The following MB21D2 variants were observed in gnomAD, a reference collection of about 807,000 sequenced individuals.
The protein encoded by MB21D2 is nucleotidyltransferase MB21D2.
In MB21D2, 9 loss-of-function variants were observed where a neutral mutation model predicts 33.3. The observed-to-expected ratio is 0.27, with a 90% CI of 0.16 to 0.47. The LOEUF is 0.47. Ranked by LOEUF, MB21D2 falls within the 20% of genes least tolerant of loss-of-function variation. MB21D2 has a pLI of 0.99. For missense variants in MB21D2, 540 were observed against 624.6 expected (o/e 0.86, Z 1.44); for synonymous variants, 241 against 236.3 (o/e 1.02, Z -0.18).
rs150647781 is a variant in MB21D2 at position 192,831,416 on chromosome 3, C to T, written c.212-31766G>A. Among the ~76,000 whole-genome samples, 1,062 of 152,322 alleles carry T rather than the reference C, an allele frequency of 7.0e-3. 9 individuals are homozygous for T. Among genetic ancestry groups the T allele is most frequent in the Non-Finnish European group, 0.011 (731 of 68,030 alleles). On this transcript the variant is annotated intron_variant, in intron 1 of 1. Transcript: ENST00000392452. ...CCAAGAAACTGTGAGATCATAAATG[C>T]TTAATGTTGTTTTAAGCCACTAAGT...
At chr3:192,820,528 T>C (rs1222487842) in intron 1 of MB21D2, among the ~76,000 whole-genome samples, 1 of 152,202 alleles carries the variant, frequency 6.6e-6, no homozygotes, top group Non-Finnish European at 1.5e-5. Flanking sequence ...AATGAATGAT[T>C]TGTCACCTTT....
chr3:192,808,540 A>G (rs1273583431), intron 1 of MB21D2, among the ~76,000 whole-genome samples: 2 of 152,234 alleles, frequency 1.3e-5, no homozygotes, highest in African/African-American at 4.8e-5. Context: ...TCCATCCGGC[A>G]GAATTTTCTA....
At chr3:192,917,274 C>T (rs1174412819) in intron 1 of MB21D2, among the ~76,000 whole-genome samples, 9 of 152,248 alleles carry the variant, frequency 5.9e-5, no homozygotes, top group Admixed American at 5.2e-4. Context: ...ACTGAAGGCA[C>T]CTCAGGGGCT....
chr3:192,812,133 T>C (rs1006932260), intron 1 of MB21D2, among the ~76,000 whole-genome samples: 1 of 152,182 alleles, frequency 6.6e-6, no homozygotes, highest in Non-Finnish European at 1.5e-5. Flanking sequence ...CTGCAACCTC[T>C]GCCTCCCAGG....
chr3:192,863,807 AC>A (rs1204296247), intron 1 of MB21D2, among the ~76,000 whole-genome samples: 1 of 152,182 alleles, frequency 6.6e-6, no homozygotes, highest in African/African-American at 2.4e-5. Flanking sequence ...TCAGGTGAGG[AC>A]ACAGTGAAAC....
intron 1 of MB21D2, among the ~76,000 whole-genome samples, chr3:192,822,448 C>T (rs1211690245): frequency 6.8e-6 from 1 of 147,202 alleles, no homozygotes; most frequent in Non-Finnish European, 1.5e-5. Flanking sequence ...TTATTCCTCC[C>T]ACCCCTTTTG....
Position 192,835,299 on chromosome 3 carries a change from C to CA in MB21D2, c.212-35650dup, listed in dbSNP as rs1171546702. Among the ~76,000 whole-genome samples, 5 of 149,422 alleles carry CA rather than the reference C, an allele frequency of 3.3e-5. No individual in the cohort carries two copies. In the East Asian group the frequency reaches 6.1e-4, roughly 18 times the overall value. On this transcript the variant is annotated intron_variant, in intron 1 of 1. Transcript: ENST00000392452. ...GAAACACCGTCTCTACAAAAAAATA[C>CA]AAAAAAATTAGCTGGGTGTGGTGGC...
chr3:192,844,991 G>T (rs1712650359), intron 1 of MB21D2, among the ~76,000 whole-genome samples: 1 of 152,106 alleles, frequency 6.6e-6, no homozygotes. Flanking sequence ...TTCCCACTTG[G>T]AACTTTTACA....
Position 192,797,650 on chromosome 3 carries a change from C to T in MB21D2, c.*736G>A, listed in dbSNP as rs1720550875. 1 of 152,546 alleles carries T rather than the reference C, an allele frequency of 6.6e-6. No individual in the cohort carries two copies. The highest frequency in any genetic ancestry group is 6.5e-5 in the Admixed American group (1 of 15,274). 9.4% of individuals were successfully genotyped at this position (152,546 alleles called of 1,614,324 possible). Reference sequence around the variant, plus strand: ...CAAATAATAATTATAATGGTATGTTCTTTAATAGGATTTAAATAAGGCTTC... The same window carrying T: ...CAAATAATAATTATAATGGTATGTTTTTTAATAGGATTTAAATAAGGCTTC... On this transcript the variant is annotated 3_prime_UTR_variant, in exon 2 of 2. Coordinates refer to ENST00000392452, the MANE Select transcript of MB21D2 (RefSeq NM_178496.4).
intron 1 of MB21D2, among the ~76,000 whole-genome samples, chr3:192,805,657 G>A (rs1268693274): frequency 6.6e-6 from 1 of 152,108 alleles, no homozygotes; most frequent in Non-Finnish European, 1.5e-5. Context: ...TGGATCCTGG[G>A]CTTGTCATTT....
chr3:192,905,703 T>C (rs1023323452), intron 1 of MB21D2, among the ~76,000 whole-genome samples: 1 of 145,936 alleles, frequency 6.9e-6, no homozygotes, highest in African/African-American at 2.6e-5. Context: ...TGGAGGTGTG[T>C]GTGCCTGTAG....
chr3:192,878,530 A>G (rs1025783710), intron 1 of MB21D2, among the ~76,000 whole-genome samples: 1 of 152,204 alleles, frequency 6.6e-6, no homozygotes, highest in Non-Finnish European at 1.5e-5. Flanking sequence ...ACTTTTTTAT[A>G]GCCCTAAAAA....
chr3:192,907,945 C>T (rs1020251679), intron 1 of MB21D2, among the ~76,000 whole-genome samples: 1 of 152,198 alleles, frequency 6.6e-6, no homozygotes, highest in Non-Finnish European at 1.5e-5. Context: ...AGGAAGGGAA[C>T]ATCCCTATGA....
intron 1 of MB21D2, among the ~76,000 whole-genome samples, chr3:192,882,669 C>A (rs1336650922): frequency 6.6e-6 from 1 of 151,686 alleles, no homozygotes; most frequent in Non-Finnish European, 1.5e-5. Context: ...TATATAATTT[C>A]TCTGCCTGGT....
At chr3:192,816,907 C>T (rs1711938682) in intron 1 of MB21D2, among the ~76,000 whole-genome samples, 2 of 152,016 alleles carry the variant, frequency 1.3e-5, no homozygotes, top group South Asian at 4.1e-4. Context: ...TCATCTTTCT[C>T]ATAAGGTTCT....
intron 1 of MB21D2, among the ~76,000 whole-genome samples, chr3:192,884,577 C>T (rs548662014): frequency 6.6e-5 from 10 of 152,066 alleles, no homozygotes; most frequent in South Asian, 2.1e-4. Flanking sequence ...CCGTGTTAGC[C>T]AGGATGGTCT....
intron 1 of MB21D2, among the ~76,000 whole-genome samples, chr3:192,824,484 G>C (rs1417058659): frequency 7.5e-6 from 1 of 133,384 alleles, no homozygotes; most frequent in Non-Finnish European, 1.6e-5. Context: ...TACATGGTCT[G>C]ATTTCTGAAA....
intron 1 of MB21D2, among the ~76,000 whole-genome samples, chr3:192,818,290 T>C (rs185661211): frequency 2.8e-4 from 43 of 152,298 alleles, no homozygotes; most frequent in African/African-American, 1.0e-3. Context: ...AGAAACAGTC[T>C]GACCTACTAC....
chr3:192,880,279 G>A (rs960043451), intron 1 of MB21D2, among the ~76,000 whole-genome samples: 2 of 151,716 alleles, frequency 1.3e-5, no homozygotes, highest in African/African-American at 4.9e-5. Context: ...CCCAGGAGAC[G>A]GAGGTTGCAG....
Sources: allele counts gnomAD v4.1 joint callset (sites outside exome capture counted in the v4.1 genomes callset), GRCh38; gene constraint gnomAD v4.1.1; transcripts MANE v1.5; gene names NCBI Gene and HGNC (gene_info 2026-07-23, HGNC 2026-07-21).